Variants in DDX18 observed in about 807,000 individuals in gnomAD.
DDX18 encodes ATP-dependent RNA helicase DDX18.
Under a neutral mutation model 73.5 loss-of-function variants are expected in DDX18, and 23 were observed. The ratio of observed to expected loss-of-function variants is 0.31; its 90% confidence interval spans 0.23 to 0.44. The LOEUF (loss-of-function observed/expected upper bound fraction) is 0.44. DDX18 is among the 20% of genes least tolerant of loss of function. The pLI is 1.00. For synonymous variants in DDX18, 268 were observed against 282.7 expected, an observed-to-expected ratio of 0.95 and a Z score of 0.52; for missense variants, 753 against 792.9, an observed-to-expected ratio of 0.95 and a Z score of 0.60.
intron 4 of DDX18, 81 bp from the exon 5 acceptor site, chr2:117,821,569 G>T: frequency 6.8e-7 from 1 of 1,460,138 alleles, no homozygotes. Context: ...TGTTCTAGCC[G>T]TAGTGCCTAA....
chr2:117,826,607 G>A (rs1182919317), intron 11 of DDX18: 1 of 554,020 alleles, frequency 1.8e-6, no homozygotes, highest in Non-Finnish European at 3.2e-6. Context: ...CAACACCTCT[G>A]TGTCCCAGCC....
At chr2:117,824,419 T>C (rs1679891481) in intron 7 of DDX18, 150 bp from the exon 8 acceptor site, 6 of 692,690 alleles carry the variant, frequency 8.7e-6, no homozygotes, top group Non-Finnish European at 1.2e-5. Flanking sequence ...TTTCATGATA[T>C]ACCCTTTTTA....
Position 117,825,314 on chromosome 2 carries a change from C to T in DDX18, c.1369-133C>T, listed in dbSNP as rs1028376307. 1.8e-5 allele frequency: 23 copies of T among 1,262,930 alleles called. 1 individual carries two copies. Among genetic ancestry groups the T allele is most frequent in the Middle Eastern group, 2.6e-4 (1 of 3,888 alleles). The allele number at this position is 1,262,930 out of a possible 1,614,324, so 78.2% of individuals were successfully genotyped here. A position where few individuals can be genotyped will look rare whatever the true frequency, so the allele number is the denominator to read the frequency against. ...GACACCATCCTCCTTGAGGGGCTTGCGGAACAGTTGGGGAAATAGGACATA... is the reference window on the plus strand; with the variant it reads ...GACACCATCCTCCTTGAGGGGCTTGTGGAACAGTTGGGGAAATAGGACATA... On this transcript the variant is annotated intron_variant, in intron 9 of 13. Coordinates refer to ENST00000263239, the MANE Select transcript of DDX18 (RefSeq NM_006773.4).
intron 7 of DDX18, among the ~76,000 whole-genome samples, chr2:117,823,345 G>A (rs1231345787): frequency 6.6e-6 from 1 of 152,124 alleles, no homozygotes. Context: ...ATCATATTTA[G>A]GGGGGTTCGG....
rs1679783262 is a variant in DDX18, at chr2:117,817,713, A to G, written c.355A>G (p.Asn119Asp). 1 of 1,604,258 alleles carries G rather than the reference A, an allele frequency of 6.2e-7. No homozygotes were observed. Among genetic ancestry groups the G allele is most frequent in the African/African-American group, 1.4e-5 (1 of 74,072 alleles). ...AAAGAAGAAAAAGAGAAAAATGGTG[A>G]ATGATGCTGAGCCTGGTAGGTATTT... The part of the protein sequence containing the change: ...KKKKKKRKMV[N>D]DAEPDTKKAK... Residue 119 changes from asparagine (N) to aspartate (D), a missense_variant, in exon 2 of 14, where the codon AAT (asparagine) becomes GAT (aspartate). This residue lies in a region of DDX18 where 345 missense variants were observed against 352.0 expected (regional missense o/e 0.98). Coordinates refer to ENST00000263239, the MANE Select transcript of DDX18 (RefSeq NM_006773.4).
At chr2:117,815,134 C>G (rs1008925187) in intron 1 of DDX18, 5 of 448,874 alleles carry the variant, frequency 1.1e-5, no homozygotes, top group Non-Finnish European at 2.0e-5. Flanking sequence ...AGGCTTACGA[C>G]TAACCCTGCC....
intron 10 of DDX18, 190 bp downstream of exon 10, chr2:117,825,789 T>C (rs1423827357): frequency 1.2e-5 from 7 of 585,674 alleles, no homozygotes; most frequent in Non-Finnish European, 2.0e-5. Flanking sequence ...TGCCAGAGGA[T>C]TGAAAAGGAT....
At chr2:117,826,478 GTGCTGT>G (rs1573413172) in intron 11 of DDX18, 96 bp downstream of exon 11, 1 of 1,134,380 alleles carries the variant, frequency 8.8e-7, no homozygotes, top group East Asian at 2.5e-5. Context: ...AGTCTGGCCA[GTGCTGT>G]TACAACCATT....
At chr2:117,820,878 G>T (rs1490683904) in intron 3 of DDX18, among the ~76,000 whole-genome samples, 1 of 151,648 alleles carries the variant, frequency 6.6e-6, no homozygotes, top group African/African-American at 2.4e-5. Flanking sequence ...TATTTTCCTT[G>T]TTTTGGTATT....
chr2:117,825,652 T>A (rs951977309), intron 10 of DDX18, 53 bp downstream of exon 10: 1 of 1,592,216 alleles, frequency 6.3e-7, no homozygotes, highest in Non-Finnish European at 8.6e-7. Flanking sequence ...AAAAGTTCAC[T>A]TATTCTCCCA....
At chr2:117,817,041 A>G (rs1679770706) in intron 1 of DDX18, among the ~76,000 whole-genome samples, 1 of 152,224 alleles carries the variant, frequency 6.6e-6, no homozygotes, top group African/African-American at 2.4e-5. Context: ...GAAAAATAGT[A>G]CTTGTGTGAA....
intron 3 of DDX18, among the ~76,000 whole-genome samples, chr2:117,820,863 C>CT (rs1383094266): frequency 6.6e-6 from 1 of 152,064 alleles, no homozygotes; most frequent in Non-Finnish European, 1.5e-5. Context: ...TCTCTGGACT[C>CT]TCATTATTTT....
At chr2:117,824,123 A>G (rs769232024) in intron 7 of DDX18, among the ~76,000 whole-genome samples, 18 of 152,166 alleles carry the variant, frequency 1.2e-4, no homozygotes, top group Non-Finnish European at 2.2e-4. Context: ...ATGTCATGTC[A>G]GGTTTTTGTA....
intron 13 of DDX18, among the ~76,000 whole-genome samples, chr2:117,829,669 G>A (rs1679990142): frequency 6.6e-6 from 1 of 152,096 alleles, no homozygotes; most frequent in African/African-American, 2.4e-5. Context: ...ATTAGGATGG[G>A]GTTACAGGGA....
chr2:117,814,947 T>G (rs1284504120), intron 1 of DDX18, 85 bp downstream of exon 1: 14 of 1,379,370 alleles, frequency 1.0e-5, no homozygotes, highest in African/African-American at 1.4e-5. Flanking sequence ...AGCTGCTCTG[T>G]GTGACGGAGG....
At position 117,831,806 on chromosome 2, in the gene DDX18, A is replaced by C. The variant is rs1487337917; in HGVS notation, c.*1082A>C. 6.6e-6 allele frequency: 1 copy of C among 152,240 alleles called. No homozygotes were observed. The highest frequency in any genetic ancestry group is 1.5e-5 in the Non-Finnish European group (1 of 68,040). The allele number at this position is 152,240 out of a possible 1,614,324, so 9.4% of individuals were successfully genotyped here. ...TTTAGTCAGATGAGTTTTTCGTTGT[A>C]GGAGCACTTGATTTCTAGTGTGTTT... On this transcript the variant is annotated 3_prime_UTR_variant, in exon 14 of 14. Transcript: ENST00000263239.
chr2:117,826,560 T>C (rs1227487798), intron 11 of DDX18, 178 bp downstream of exon 11: 1 of 619,280 alleles, frequency 1.6e-6, no homozygotes. Context: ...CAGAAGGAAC[T>C]GCCCACATGG....
intron 7 of DDX18, 68 bp from the exon 8 acceptor site, chr2:117,824,501 T>G: frequency 7.8e-7 from 1 of 1,275,548 alleles, no homozygotes; most frequent in Non-Finnish European, 1.0e-6. Flanking sequence ...CTAGAATATT[T>G]GTAGTTGTGA....
chr2:117,825,651 C>T (rs1477516389), intron 10 of DDX18, 52 bp downstream of exon 10: 3 of 1,591,824 alleles, frequency 1.9e-6, no homozygotes, highest in Admixed American at 3.4e-5. Context: ...TAAAAGTTCA[C>T]TTATTCTCCC....
Sources: gnomAD v4.1 joint callset for allele counts (sites outside exome capture counted in the v4.1 genomes callset) on GRCh38, gnomAD v4.1.1 for gene constraint, gnomAD v4.1.1 regional missense constraint, MANE v1.5 for transcripts, NCBI Gene and HGNC (gene_info 2026-07-23, HGNC 2026-07-21) for gene names.